Variants in ATP6V0E1 observed in about 807,000 individuals in gnomAD.
The protein encoded by ATP6V0E1 is ATPase H+ transporting V0 subunit e1.
A neutral mutation model predicts 11.6 loss-of-function variants in ATP6V0E1; 4 were observed. That is an observed-to-expected ratio of 0.35 (90% CI 0.17 to 0.79). ATP6V0E1 has a LOEUF of 0.79. Among genes scored for constraint, ATP6V0E1 ranks in the 30% least tolerant of loss-of-function variants. The probability of loss-of-function intolerance (pLI) is 0.54; values close to 1 mark genes in which losing one functional copy is unlikely to be tolerated. For missense variants in ATP6V0E1, 105 were observed against 100.0 expected (o/e 1.05, Z -0.21); for synonymous variants, 36 against 34.8 (o/e 1.04, Z -0.13).
chr5:173,023,730 A>G (rs1326147343), intron 3 of ATP6V0E1, among the ~76,000 whole-genome samples: 1 of 152,134 alleles, frequency 6.6e-6, no homozygotes, highest in Non-Finnish European at 1.5e-5. Flanking sequence ...CTGTAGTTCC[A>G]GCTATTCAGG....
intron 2 of ATP6V0E1, among the ~76,000 whole-genome samples, chr5:173,007,432 C>A (rs1310141768): frequency 1.3e-5 from 2 of 152,306 alleles, no homozygotes; most frequent in Middle Eastern, 6.8e-3. Flanking sequence ...TCATTCCTGG[C>A]CATATGGCCC....
intron 1 of ATP6V0E1, 75 bp from the exon 2 acceptor site, chr5:172,994,700 G>A (rs1290895628): frequency 1.7e-6 from 2 of 1,200,408 alleles, no homozygotes; most frequent in African/African-American, 3.1e-5. Flanking sequence ...TCTGGAAAGG[G>A]GACTTAAACC....
At chr5:172,985,244 CA>C (rs59381222) in intron 1 of ATP6V0E1, among the ~76,000 whole-genome samples, 34,514 of 89,346 alleles carry the variant, frequency 0.39, 4,913 homozygotes, top group East Asian at 0.7. Flanking sequence ...GACTCCGTCT[CA>C]AAAAAAAAAA....
intron 2 of ATP6V0E1, among the ~76,000 whole-genome samples, chr5:172,999,923 A>G (rs1227369689): frequency 6.6e-6 from 1 of 152,188 alleles, no homozygotes; most frequent in Non-Finnish European, 1.5e-5. Context: ...ATCTGAGTGA[A>G]AAATGTGGAC....
chr5:173,004,277 C>A (rs1459947525), intron 2 of ATP6V0E1, among the ~76,000 whole-genome samples: 1 of 152,126 alleles, frequency 6.6e-6, no homozygotes, highest in Non-Finnish European at 1.5e-5. Flanking sequence ...TTAGAGTCAG[C>A]TTTTCACAAG....
intron 2 of ATP6V0E1, among the ~76,000 whole-genome samples, chr5:172,998,190 C>CTTTTT (rs999790390): frequency 3.1e-4 from 32 of 104,834 alleles, no homozygotes; most frequent in South Asian, 6.4e-4. Flanking sequence ...AAAATTTAGT[C>CTTTTT]TTTTTTTTTT....
At chr5:173,010,020 C>G (rs548093426) in intron 2 of ATP6V0E1, among the ~76,000 whole-genome samples, 1 of 152,158 alleles carries the variant, frequency 6.6e-6, no homozygotes, top group Admixed American at 6.5e-5. Context: ...CCTTGGCCTC[C>G]CAAAGTGCTG....
chr5:173,018,053 T>C (rs530555003), intron 2 of ATP6V0E1, among the ~76,000 whole-genome samples: 1 of 152,254 alleles, frequency 6.6e-6, no homozygotes, highest in East Asian at 1.9e-4. Context: ...GACCTTTGAA[T>C]AACGTGGAAG....
intron 2 of ATP6V0E1, among the ~76,000 whole-genome samples, chr5:173,007,202 T>C (rs1372828307): frequency 6.6e-6 from 1 of 152,198 alleles, no homozygotes; most frequent in Non-Finnish European, 1.5e-5. Flanking sequence ...CTTGAACTCC[T>C]GAGCTCAAGC....
intron 2 of ATP6V0E1, among the ~76,000 whole-genome samples, chr5:173,008,915 A>G (rs1359480471): frequency 8.3e-4 from 122 of 146,160 alleles, no homozygotes; most frequent in African/African-American, 2.9e-3. Context: ...TGTCTCAAAA[A>G]AAAAAAAAAA....
At chr5:173,028,427 C>T (rs1395448058) in intron 3 of ATP6V0E1, among the ~76,000 whole-genome samples, 1 of 152,126 alleles carries the variant, frequency 6.6e-6, no homozygotes, top group Non-Finnish European at 1.5e-5. Context: ...GGTCTGACCT[C>T]ACCTGATAAG....
intron 2 of ATP6V0E1, among the ~76,000 whole-genome samples, chr5:172,996,572 A>AT (rs1049549622): frequency 1.3e-5 from 2 of 150,384 alleles, no homozygotes; most frequent in Non-Finnish European, 2.9e-5. Flanking sequence ...AAAAAAAAAA[A>AT]AAATACATAC....
intron 1 of ATP6V0E1, among the ~76,000 whole-genome samples, chr5:172,986,326 C>T (rs545467440): frequency 1.3e-4 from 20 of 152,234 alleles, no homozygotes; most frequent in African/African-American, 4.3e-4. Flanking sequence ...GACTCTTGTA[C>T]TAACACTTGG....
At chr5:173,002,482 G>T (rs1255452429) in intron 2 of ATP6V0E1, among the ~76,000 whole-genome samples, 7 of 152,168 alleles carry the variant, frequency 4.6e-5, no homozygotes, top group Non-Finnish European at 1.0e-4. Context: ...CATACTCATG[G>T]TGGTAACACG....
chr5:173,000,990 C>T (rs990753171), intron 2 of ATP6V0E1, among the ~76,000 whole-genome samples: 4 of 152,128 alleles, frequency 2.6e-5, no homozygotes, highest in East Asian at 3.8e-4. Context: ...TGTGAGCCAC[C>T]GCCCCTGGCC....
chr5:172,999,970 C>T lies in ATP6V0E1; in HGVS notation c.152+5148C>T, dbSNP rs114992970. Among the ~76,000 whole-genome samples, 931 of 152,202 alleles carry T rather than the reference C, an allele frequency of 6.1e-3. 7 individuals carry two copies. Among genetic ancestry groups the T allele is most frequent in the South Asian group, 0.031 (151 of 4,824 alleles). Reference sequence around the variant, plus strand: ...CCCAAATATTTTACACACCTTATTCCACAAAAGAGTGAGATTCTATTAAAA... The same window carrying T: ...CCCAAATATTTTACACACCTTATTCTACAAAAGAGTGAGATTCTATTAAAA... On this transcript the variant is annotated intron_variant, in intron 2 of 3. Transcript: ENST00000519374.
intron 3 of ATP6V0E1, among the ~76,000 whole-genome samples, chr5:173,031,568 C>G (rs1175069083): frequency 1.3e-5 from 2 of 151,466 alleles, no homozygotes; most frequent in Non-Finnish European, 2.9e-5. Context: ...CCTGTAATCC[C>G]AGCACTTTGG....
At chr5:173,022,013 C>T (rs571491609) in intron 3 of ATP6V0E1, among the ~76,000 whole-genome samples, 5 of 152,210 alleles carry the variant, frequency 3.3e-5, no homozygotes, top group East Asian at 3.9e-4. Flanking sequence ...CCAGCCTGGG[C>T]GACAGAGCAA....
At chr5:173,027,323 TAA>T (rs747815879) in intron 3 of ATP6V0E1, among the ~76,000 whole-genome samples, 14 of 104,330 alleles carry the variant, frequency 1.3e-4, no homozygotes, top group African/African-American at 1.1e-4. Flanking sequence ...CTGTCTCTAC[TAA>T]AAAAAAAAAA....
Sources: gnomAD v4.1 joint callset for allele counts (sites outside exome capture counted in the v4.1 genomes callset) on GRCh38, gnomAD v4.1.1 for gene constraint, MANE v1.5 for transcripts, NCBI Gene and HGNC (gene_info 2026-07-23, HGNC 2026-07-21) for gene names.